Variants in DLG2 observed in about 807,000 individuals in gnomAD.
The protein encoded by DLG2 is disks large homolog 2.
A neutral mutation model predicts 132.5 loss-of-function variants in DLG2; 45 were observed. The ratio of observed to expected loss-of-function variants is 0.34; its 90% CI spans 0.27 to 0.44. DLG2 has a LOEUF of 0.44. Ranked by LOEUF, DLG2 falls within the 20% of genes least tolerant of loss-of-function variation. The pLI is 1.00. For missense variants in DLG2, 1,045 were observed against 1,196.9 expected, an observed-to-expected ratio of 0.87 and a Z score of 1.87; for synonymous variants, 424 against 419.6, an observed-to-expected ratio of 1.01 and a Z score of -0.13.
At chr11:84,259,147 C>A (rs1191811343) in intron 7 of DLG2, among the ~76,000 whole-genome samples, 3 of 151,568 alleles carry the variant, frequency 2.0e-5, no homozygotes, top group Non-Finnish European at 2.9e-5. Context: ...GGGTGGGTGC[C>A]TGTAACCCAG....
intron 16 of DLG2, among the ~76,000 whole-genome samples, chr11:83,850,762 G>A (rs1237457934): frequency 6.6e-6 from 1 of 152,136 alleles, no homozygotes; most frequent in Non-Finnish European, 1.5e-5. Flanking sequence ...CCAAGGTTTG[G>A]CCAGCAGCTA....
intron 6 of DLG2, among the ~76,000 whole-genome samples, chr11:84,854,378 G>A (rs1157724259): frequency 6.6e-6 from 1 of 151,518 alleles, no homozygotes; most frequent in Non-Finnish European, 1.5e-5. Context: ...ATTAGTATTT[G>A]CCTCTAGACA....
intron 11 of DLG2, among the ~76,000 whole-genome samples, chr11:84,054,471 A>C (rs995577658): frequency 2.0e-5 from 3 of 152,034 alleles, no homozygotes; most frequent in Non-Finnish European, 4.4e-5. Context: ...GATTGCCCAC[A>C]TGCAGACACC....
chr11:85,517,812 G>A lies in DLG2; in HGVS notation c.40+80845C>T, dbSNP rs139554889. 5.3e-3 allele frequency among the ~76,000 whole-genome samples: 808 copies of A among 152,192 alleles called. 9 individuals are homozygous for A. Among genetic ancestry groups the A allele is most frequent in the African/African-American group, 0.018 (750 of 41,548 alleles). ...CCCAAATCTCATCATGAATTCCCAC[G>A]TGTTGTGGGATGGACCCAGTGGGAG... On this transcript the variant is annotated intron_variant, in intron 3 of 27. Transcript: ENST00000376104.
chr11:84,513,072 G>A (rs1253388493), intron 7 of DLG2, among the ~76,000 whole-genome samples: 1 of 151,966 alleles, frequency 6.6e-6, no homozygotes, highest in African/African-American at 2.4e-5. Flanking sequence ...GTTAACAGGT[G>A]CAGCAAATCA....
At chr11:85,424,673 C>T (rs752983127) in intron 3 of DLG2, among the ~76,000 whole-genome samples, 1 of 152,190 alleles carries the variant, frequency 6.6e-6, no homozygotes, top group African/African-American at 2.4e-5. Flanking sequence ...GTATTATTAA[C>T]TTCAGAGAGG....
chr11:84,928,982 GTATATATATATATATATA>G lies in DLG2; in HGVS notation c.357+182661_357+182678del, dbSNP rs58945482. ...TATGTGTGTGTGTGTGTGTGTGTGTGTATATATATATATATATATATATATATATATATATATATATAT... is the reference window on the plus strand; with the variant it reads ...TATGTGTGTGTGTGTGTGTGTGTGTGTATATATATATATATATATATATAT... On this transcript the variant is annotated intron_variant, in intron 6 of 27. Transcript: ENST00000376104. Among the ~76,000 whole-genome samples the G allele has an allele frequency of 8.3e-4, 41 of 49,118 alleles. No individual in the cohort carries two copies. In the East Asian group the frequency reaches 0.017, roughly 20 times the overall value. 32.2% of individuals were successfully genotyped at this position (49,118 alleles called of 152,430 possible).
chr11:85,135,513 A>C (rs543606452), intron 5 of DLG2, among the ~76,000 whole-genome samples: 1 of 152,298 alleles, frequency 6.6e-6, no homozygotes, highest in South Asian at 2.1e-4. Flanking sequence ...AAATTAGCAA[A>C]GGGAGCCTGA....
At chr11:85,408,391 T>TTTATTA (rs368903660) in intron 3 of DLG2, among the ~76,000 whole-genome samples, 2 of 149,832 alleles carry the variant, frequency 1.3e-5, no homozygotes, top group African/African-American at 2.4e-5. Context: ...TACTATTATT[T>TTTATTA]TTATTATTAT....
At chr11:85,077,214 TG>T (rs1016085338) in intron 6 of DLG2, among the ~76,000 whole-genome samples, 1 of 151,668 alleles carries the variant, frequency 6.6e-6, no homozygotes, top group African/African-American at 2.4e-5. Flanking sequence ...ACCATAAAAA[TG>T]ATATGAAAAA....
At chr11:85,096,210 C>T (rs1037773654) in intron 6 of DLG2, among the ~76,000 whole-genome samples, 19 of 152,274 alleles carry the variant, frequency 1.2e-4, no homozygotes, top group Middle Eastern at 3.4e-3. Context: ...GCTGGCCACC[C>T]GCGCCAGCAG....
chr11:84,255,442 G>A (rs1030433945), intron 7 of DLG2, among the ~76,000 whole-genome samples: 2 of 152,150 alleles, frequency 1.3e-5, no homozygotes, highest in African/African-American at 4.8e-5. Context: ...TTCTGCCTCA[G>A]CCTCCCAAGT....
intron 6 of DLG2, among the ~76,000 whole-genome samples, chr11:84,862,060 T>G (rs2083787651): frequency 7.3e-6 from 1 of 137,582 alleles, no homozygotes; most frequent in African/African-American, 2.6e-5. Flanking sequence ...GGGGGAGGGA[T>G]AGCACTGGGA....
chr11:84,911,871 G>A (rs1055127372), intron 6 of DLG2, among the ~76,000 whole-genome samples: 4 of 152,080 alleles, frequency 2.6e-5, no homozygotes, highest in Non-Finnish European at 5.9e-5. Flanking sequence ...ATATTTAGAT[G>A]ATTACTATTG....
At chr11:85,151,382 GT>G (rs36032909) in intron 5 of DLG2, among the ~76,000 whole-genome samples, 123,536 of 139,204 alleles carry the variant, frequency 0.89, 54,780 homozygotes, top group Middle Eastern at 0.94. Flanking sequence ...AGTACAATTT[GT>G]TTTTTTTTTT....
intron 7 of DLG2, among the ~76,000 whole-genome samples, chr11:84,378,783 C>CAAA (rs57445837): frequency 2.4e-4 from 35 of 143,048 alleles, no homozygotes; most frequent in African/African-American, 8.5e-4. Flanking sequence ...ACAAAAAATA[C>CAAA]AAAAAAAAAA....
At chr11:83,498,230 T>G (rs1331394949) in intron 21 of DLG2, among the ~76,000 whole-genome samples, 1 of 152,122 alleles carries the variant, frequency 6.6e-6, no homozygotes, top group African/African-American at 2.4e-5. Flanking sequence ...TATTTAAATG[T>G]GATAACATAT....
chr11:85,459,004 G>C (rs958138099), intron 3 of DLG2, among the ~76,000 whole-genome samples: 3 of 152,166 alleles, frequency 2.0e-5, no homozygotes, highest in Non-Finnish European at 4.4e-5. Flanking sequence ...GGCCCTGGAT[G>C]GGGCACCTGT....
intron 3 of DLG2, among the ~76,000 whole-genome samples, chr11:85,581,751 T>C (rs893454768): frequency 2.6e-5 from 4 of 152,146 alleles, no homozygotes; most frequent in African/African-American, 9.7e-5. Context: ...TTCACTTTAA[T>C]AAAAGGGAAG....
Sources: allele counts gnomAD v4.1 joint callset (sites outside exome capture counted in the v4.1 genomes callset), GRCh38; gene constraint gnomAD v4.1.1; transcripts MANE v1.5; gene names NCBI Gene and HGNC (gene_info 2026-07-23, HGNC 2026-07-21).